The following CNPY1 variants were observed in gnomAD, a reference collection of about 807,000 sequenced individuals.
The protein encoded by CNPY1 is canopy FGF signaling regulator 1.
In CNPY1, 14 loss-of-function variants were observed where a neutral mutation model predicts 14.4. That is an observed-to-expected ratio of 0.97 (90% CI 0.64 to 1.52). CNPY1 has a LOEUF of 1.52. Ranked by LOEUF, CNPY1 falls within the 40% of genes most tolerant of loss-of-function variation. The probability of loss-of-function intolerance (pLI) is 0.00; values close to 1 mark genes in which losing one functional copy is unlikely to be tolerated. For synonymous variants in CNPY1, 43 were observed against 46.5 expected, an observed-to-expected ratio of 0.92 and a Z score of 0.31; for missense variants, 129 against 131.5, an observed-to-expected ratio of 0.98 and a Z score of 0.09.
intron 2 of CNPY1, among the ~76,000 whole-genome samples, chr7:155,521,087 G>C (rs973529701): frequency 1.3e-5 from 2 of 151,492 alleles, no homozygotes; most frequent in African/African-American, 2.4e-5. Context: ...AGCAAGGAAG[G>C]AAGGAAGGAA....
chr7:155,509,450 C>T (rs111703063), intron 2 of CNPY1, among the ~76,000 whole-genome samples: 2 of 152,076 alleles, frequency 1.3e-5, no homozygotes, highest in African/African-American at 4.8e-5. Context: ...AGTTATTATC[C>T]ATCTACTTGT....
At chr7:155,541,726 C>G (rs1287049947) in intron 2 of CNPY1, among the ~76,000 whole-genome samples, 2 of 152,160 alleles carry the variant, frequency 1.3e-5, no homozygotes, top group African/African-American at 4.8e-5. Context: ...GTCTTGCTGC[C>G]TGGCTGGCCA....
intron 2 of CNPY1, 117 bp from the exon 3 acceptor site, chr7:155,509,214 C>G: frequency 8.6e-6 from 5 of 578,258 alleles, no homozygotes; most frequent in Non-Finnish European, 1.5e-5. Flanking sequence ...TGTGCCACTT[C>G]CCTAGCACGG....
chr7:155,520,236 G>A (rs1337158227), intron 2 of CNPY1, among the ~76,000 whole-genome samples: 1 of 152,070 alleles, frequency 6.6e-6, no homozygotes, highest in African/African-American at 2.4e-5. Flanking sequence ...CTCATTGCTT[G>A]GGATTCCTCT....
At chr7:155,517,124 C>T (rs978469620) in intron 2 of CNPY1, among the ~76,000 whole-genome samples, 18 of 152,284 alleles carry the variant, frequency 1.2e-4, no homozygotes, top group African/African-American at 3.1e-4. Context: ...CCCTAAACCC[C>T]GGGACCTCAG....
In CNPY1 at chr7:155,528,750, G is replaced by A. The variant is rs536457516; in HGVS notation, c.99+17081C>T. Among the ~76,000 whole-genome samples the A allele has an allele frequency of 5.3e-5, 8 of 152,264 alleles. No homozygotes were observed. In the South Asian group the frequency reaches 1.5e-3, roughly 28 times the overall value. ...TGTTAGAGACCTGGTTATAGACAAG[G>A]CTTCTCCACCTAAGAAAAAACAACT... On this transcript the variant is annotated intron_variant, in intron 2 of 4. Coordinates refer to ENST00000636446, the MANE Select transcript of CNPY1 (RefSeq NM_001393663.1).
At chr7:155,511,243 G>C (rs1160509299) in intron 2 of CNPY1, among the ~76,000 whole-genome samples, 1 of 152,166 alleles carries the variant, frequency 6.6e-6, no homozygotes, top group Non-Finnish European at 1.5e-5. Context: ...CAGAAACTTA[G>C]GCCTTCCTTC....
chr7:155,521,308 T>C (rs1253805089), intron 2 of CNPY1, among the ~76,000 whole-genome samples: 1 of 152,056 alleles, frequency 6.6e-6, no homozygotes, highest in African/African-American at 2.4e-5. Flanking sequence ...CAAAAACAAG[T>C]GGTGTTTCTA....
chr7:155,506,190 T>A (rs974610430), intron 4 of CNPY1, among the ~76,000 whole-genome samples: 2 of 152,220 alleles, frequency 1.3e-5, no homozygotes, highest in African/African-American at 4.8e-5. Context: ...TGTCTCAAAC[T>A]TCCACATTGT....
At chr7:155,503,205 A>G (rs1796178094) in intron 4 of CNPY1, 100 bp from the exon 5 acceptor site, 2 of 984,522 alleles carry the variant, frequency 2.0e-6, no homozygotes, top group Non-Finnish European at 3.0e-6. Context: ...GTAGAAGCAT[A>G]TTTTAAAAAC....
intron 2 of CNPY1, among the ~76,000 whole-genome samples, 159 bp from the exon 3 acceptor site, chr7:155,509,256 C>CA (rs1301519148): frequency 6.6e-6 from 1 of 152,154 alleles, no homozygotes; most frequent in Non-Finnish European, 1.5e-5. Flanking sequence ...ATTGTTATTA[C>CA]AATGTAACAA....
intron 2 of CNPY1, among the ~76,000 whole-genome samples, chr7:155,520,767 T>C (rs74303498): frequency 0.24 from 36,955 of 151,944 alleles, 5,139 homozygotes; most frequent in East Asian, 0.32. Context: ...GGACTAAGGG[T>C]TCTCTTTATG....
chr7:155,509,777 G>A (rs1796472359), intron 2 of CNPY1, among the ~76,000 whole-genome samples: 3 of 152,316 alleles, frequency 2.0e-5, no homozygotes, highest in African/African-American at 7.2e-5. Flanking sequence ...GGGAACAGCT[G>A]GTGCACGTCC....
intron 3 of CNPY1, among the ~76,000 whole-genome samples, chr7:155,508,203 C>G (rs1796394327): frequency 6.6e-6 from 1 of 152,196 alleles, no homozygotes; most frequent in African/African-American, 2.4e-5. Flanking sequence ...AAAAATATTG[C>G]AACGTATTTT....
At chr7:155,527,054 C>CTTTCTTTTTTTT (rs56296833) in intron 2 of CNPY1, among the ~76,000 whole-genome samples, 3 of 90,344 alleles carry the variant, frequency 3.3e-5, no homozygotes, top group African/African-American at 1.5e-4. Context: ...TTCTTTCTTT[C>CTTTCTTTTTTTT]TTTTTTTTTT....
chr7:155,522,530 G>C (rs551937885), intron 2 of CNPY1, among the ~76,000 whole-genome samples: 1 of 152,232 alleles, frequency 6.6e-6, no homozygotes, highest in East Asian at 1.9e-4. Flanking sequence ...CGCAGCCTTC[G>C]AGAGGGTGAG....
chr7:155,528,102 C>T (rs1563093755), intron 2 of CNPY1, among the ~76,000 whole-genome samples: 1 of 152,188 alleles, frequency 6.6e-6, no homozygotes, highest in Non-Finnish European at 1.5e-5. Flanking sequence ...CGCCCAGTCT[C>T]CATGTGGCTG....
intron 2 of CNPY1, among the ~76,000 whole-genome samples, chr7:155,529,235 G>A (rs992668386): frequency 1.3e-5 from 2 of 152,084 alleles, no homozygotes; most frequent in Non-Finnish European, 2.9e-5. Flanking sequence ...GAAGTCCGAC[G>A]TTCTACGTGA....
chr7:155,531,291 G>A (rs778772474), intron 2 of CNPY1, among the ~76,000 whole-genome samples: 5 of 152,124 alleles, frequency 3.3e-5, no homozygotes, highest in Admixed American at 3.3e-4. Flanking sequence ...GGAAAATTTG[G>A]GCTCACACTA....
Sources: gnomAD v4.1 joint callset for allele counts (sites outside exome capture counted in the v4.1 genomes callset) on GRCh38, gnomAD v4.1.1 for gene constraint, MANE v1.5 for transcripts, NCBI Gene and HGNC (gene_info 2026-07-23, HGNC 2026-07-21) for gene names.